SMIM31: variants seen among roughly 807,000 people sequenced by gnomAD.
SMIM31 encodes the protein small integral membrane protein 31, also known as human epithelial cell program regulator.
At chr4:164,799,204 A>G (rs2110967949) in intron 2 of SMIM31, among the ~76,000 whole-genome samples, 1 of 152,042 alleles carries the variant, frequency 6.6e-6, no homozygotes, top group East Asian at 1.9e-4. Flanking sequence ...TGGGCAACAT[A>G]ACAAAACCCC....
intron 2 of SMIM31, among the ~76,000 whole-genome samples, chr4:164,798,125 A>G (rs1416502545): frequency 6.6e-6 from 1 of 152,116 alleles, no homozygotes; most frequent in East Asian, 1.9e-4. Flanking sequence ...TCTTTATCCA[A>G]TTATCCATTG....
At chr4:164,799,621 C>T (rs1733257169) in intron 2 of SMIM31, among the ~76,000 whole-genome samples, 1 of 152,100 alleles carries the variant, frequency 6.6e-6, no homozygotes, top group Non-Finnish European at 1.5e-5. Flanking sequence ...TGGGGAAGGC[C>T]ATCTGCTTTA....
intron 1 of SMIM31, among the ~76,000 whole-genome samples, chr4:164,769,241 T>C (rs1732760925): frequency 6.6e-6 from 1 of 152,130 alleles, no homozygotes; most frequent in Non-Finnish European, 1.5e-5. Context: ...GAGATGCCAT[T>C]AATATTCGCA....
chr4:164,762,662 C>CAAAAAAAAAAAAAAAAAA (rs1162067333), intron 1 of SMIM31, among the ~76,000 whole-genome samples: 41 of 99,996 alleles, frequency 4.1e-4, no homozygotes, highest in East Asian at 8.6e-4. Context: ...GACTCTGTCT[C>CAAAAAAAAAAAAAAAAAA]AAAAAAAAAA....
chr4:164,756,746 G>A (rs781074092), intron 1 of SMIM31, among the ~76,000 whole-genome samples: 3 of 151,956 alleles, frequency 2.0e-5, no homozygotes, highest in Non-Finnish European at 4.4e-5. Flanking sequence ...AGATTCATTT[G>A]TCTTGTATGT....
At position 164,801,199 on chromosome 4, in the gene SMIM31, A is replaced by G; in HGVS notation, c.*5A>G. 2.5e-6 allele frequency: 1 copy of G among 398,952 alleles called. No individual in the cohort carries two copies. The highest frequency in any genetic ancestry group is 3.6e-5 in the East Asian group (1 of 28,052). 24.7% of individuals were successfully genotyped at this position (398,952 alleles called of 1,614,324 possible). ...ATTGAAGCTGTTGAGCTATGATCTC[A>G]TAGCCACCGATATTTCTCGCTAAGA... On this transcript the variant is annotated 3_prime_UTR_variant, in exon 3 of 3. Transcript: ENST00000507311.
intron 2 of SMIM31, among the ~76,000 whole-genome samples, chr4:164,777,160 C>G (rs912962660): frequency 6.6e-6 from 1 of 152,146 alleles, no homozygotes; most frequent in Non-Finnish European, 1.5e-5. Flanking sequence ...TATATTTGAT[C>G]AACTTTCTGT....
intron 2 of SMIM31, among the ~76,000 whole-genome samples, chr4:164,772,619 C>A (rs1418193128): frequency 6.8e-6 from 1 of 147,994 alleles, no homozygotes; most frequent in Non-Finnish European, 1.5e-5. Context: ...CGCTCTGTCG[C>A]CCAGGCTGGA....
intron 1 of SMIM31, among the ~76,000 whole-genome samples, chr4:164,765,287 A>T (rs1732705372): frequency 6.6e-6 from 1 of 152,242 alleles, no homozygotes; most frequent in Admixed American, 6.5e-5. Flanking sequence ...GAGCTGGGAC[A>T]CATCATTTGT....
At chr4:164,757,004 T>C (rs996003785) in intron 1 of SMIM31, among the ~76,000 whole-genome samples, 4 of 152,224 alleles carry the variant, frequency 2.6e-5, no homozygotes, top group African/African-American at 7.2e-5. Context: ...CCAGAGATTT[T>C]TTTCAAAGGA....
intron 2 of SMIM31, among the ~76,000 whole-genome samples, chr4:164,782,480 G>A (rs1027646161): frequency 1.4e-5 from 2 of 143,478 alleles, no homozygotes; most frequent in East Asian, 4.3e-4. Flanking sequence ...CCAGGTTCAC[G>A]CCATTCTCCT....
At chr4:164,764,577 A>T (rs1166475135) in intron 1 of SMIM31, among the ~76,000 whole-genome samples, 1 of 151,434 alleles carries the variant, frequency 6.6e-6, no homozygotes, top group Admixed American at 6.6e-5. Flanking sequence ...AAAAAAAAAA[A>T]AGAAAAAAAT....
At chr4:164,754,888 T>G (rs969875719) in intron 1 of SMIM31, among the ~76,000 whole-genome samples, 2 of 145,850 alleles carry the variant, frequency 1.4e-5, no homozygotes, top group African/African-American at 5.1e-5. Flanking sequence ...TATTTAAGTT[T>G]AAGGTTAAAA....
intron 2 of SMIM31, among the ~76,000 whole-genome samples, chr4:164,783,483 C>T (rs1053346717): frequency 3.4e-5 from 5 of 149,188 alleles, no homozygotes; most frequent in Non-Finnish European, 3.0e-5. Flanking sequence ...CCTGTTGAGC[C>T]GCTACACTTC....
chr4:164,782,358 T>C (rs961683396), intron 2 of SMIM31, among the ~76,000 whole-genome samples: 2 of 150,188 alleles, frequency 1.3e-5, no homozygotes, highest in Non-Finnish European at 2.9e-5. Context: ...TATAAAACAC[T>C]ACTTTATCTC....
At chr4:164,758,862 G>A (rs1287898269) in intron 1 of SMIM31, among the ~76,000 whole-genome samples, 1 of 103,654 alleles carries the variant, frequency 9.6e-6, no homozygotes, top group African/African-American at 3.7e-5. Flanking sequence ...TAGAGACTGG[G>A]TTTCACCGTG....
chr4:164,767,701 A>G (rs1579062969), intron 1 of SMIM31, among the ~76,000 whole-genome samples: 1 of 152,330 alleles, frequency 6.6e-6, no homozygotes, highest in Non-Finnish European at 1.5e-5. Flanking sequence ...ATTTATGCAG[A>G]AATCACCTCT....
intron 2 of SMIM31, among the ~76,000 whole-genome samples, chr4:164,779,402 T>G (rs576404667): frequency 6.5e-4 from 99 of 152,360 alleles, no homozygotes; most frequent in African/African-American, 2.4e-3. Flanking sequence ...AGCTTCTGCT[T>G]CTTCTTCGTA....
chr4:164,799,845 CTGAATGAATGAG>C (rs1456667863), intron 2 of SMIM31, among the ~76,000 whole-genome samples: 1 of 152,186 alleles, frequency 6.6e-6, no homozygotes, highest in Non-Finnish European at 1.5e-5. Context: ...GTAAGAATTG[CTGAATGAATGAG>C]TGAATGAATG....
Sources: allele counts gnomAD v4.1 joint callset (sites outside exome capture counted in the v4.1 genomes callset), GRCh38; gene constraint gnomAD v4.1.1; transcripts MANE v1.5; gene names NCBI Gene and HGNC (gene_info 2026-07-23, HGNC 2026-07-21).